KCNH1: variants seen among roughly 807,000 people sequenced by gnomAD.
The protein encoded by KCNH1 is voltage-gated delayed rectifier potassium channel KCNH1.
KCNH1 carries 27 observed loss-of-function variants against 69.2 expected under a neutral mutation model. The observed-to-expected ratio is 0.39, with a 90% CI of 0.29 to 0.54. The LOEUF is 0.54. KCNH1 is among the 20% of genes least tolerant of loss of function. The pLI, the probability that KCNH1 is intolerant of heterozygous loss-of-function variation, is 0.68. For synonymous variants in KCNH1, 456 were observed against 487.7 expected, an observed-to-expected ratio of 0.93 and a Z score of 0.86; for missense variants, 798 against 1,261.6, an observed-to-expected ratio of 0.63 and a Z score of 5.57.
chr1:210,790,138 T>C (rs1371829270), intron 9 of KCNH1, among the ~76,000 whole-genome samples: 1 of 152,206 alleles, frequency 6.6e-6, no homozygotes, highest in Admixed American at 6.5e-5. Flanking sequence ...AGAAAACTAT[T>C]CCTATGTTCT....
intron 7 of KCNH1, among the ~76,000 whole-genome samples, chr1:210,883,059 G>A (rs1219201310): frequency 2.6e-5 from 4 of 152,146 alleles, no homozygotes; most frequent in African/African-American, 7.2e-5. Context: ...AACAAATGAA[G>A]TCACCTGGTT....
At chr1:211,077,389 T>A (rs1399498930) in intron 5 of KCNH1, among the ~76,000 whole-genome samples, 1 of 152,120 alleles carries the variant, frequency 6.6e-6, no homozygotes, top group African/African-American at 2.4e-5. Context: ...GGGAAGCCCA[T>A]CAGACTAACA....
intron 7 of KCNH1, among the ~76,000 whole-genome samples, chr1:210,811,562 C>G (rs917895470): frequency 6.6e-6 from 1 of 152,154 alleles, no homozygotes; most frequent in African/African-American, 2.4e-5. Context: ...AAAGACTCCT[C>G]TTTGCTGTTG....
At chr1:210,856,327 A>G (rs1021439841) in intron 7 of KCNH1, among the ~76,000 whole-genome samples, 1 of 152,186 alleles carries the variant, frequency 6.6e-6, no homozygotes, top group African/African-American at 2.4e-5. Context: ...CAGCCCCTGG[A>G]AAAAACTTAA....
At chr1:211,010,871 G>C (rs1033276232) in intron 6 of KCNH1, among the ~76,000 whole-genome samples, 7 of 152,186 alleles carry the variant, frequency 4.6e-5, no homozygotes, top group African/African-American at 1.7e-4. Flanking sequence ...TAAAAGAGAA[G>C]TAGAACTTGG....
At chr1:210,852,978 T>G (rs2102469158) in intron 7 of KCNH1, among the ~76,000 whole-genome samples, 1 of 152,308 alleles carries the variant, frequency 6.6e-6, no homozygotes, top group South Asian at 2.1e-4. Flanking sequence ...ATTCTTTCCC[T>G]AGTTCCAACA....
chr1:210,806,836 A>ATAT (rs59113939), intron 7 of KCNH1, among the ~76,000 whole-genome samples: 1 of 85,652 alleles, frequency 1.2e-5, no homozygotes, highest in African/African-American at 5.1e-5. Flanking sequence ...AAAAAAAAAA[A>ATAT]ATATATATAT....
intron 6 of KCNH1, among the ~76,000 whole-genome samples, chr1:210,972,122 GT>G (rs1558547904): frequency 2.0e-5 from 3 of 151,886 alleles, no homozygotes; most frequent in Admixed American, 6.6e-5. Flanking sequence ...AAACAGAGGG[GT>G]TTTTTTCCCT....
intron 7 of KCNH1, among the ~76,000 whole-genome samples, chr1:210,862,662 G>C (rs1421286355): frequency 2.6e-5 from 4 of 152,180 alleles, no homozygotes; most frequent in African/African-American, 9.7e-5. Flanking sequence ...AGGCAGGATT[G>C]AAAAACAATT....
intron 5 of KCNH1, among the ~76,000 whole-genome samples, chr1:211,053,351 C>T (rs1049077092): frequency 3.0e-4 from 45 of 152,142 alleles, no homozygotes; most frequent in Admixed American, 2.9e-3. Context: ...AAATACAAAC[C>T]AGTGCAGCCA....
rs1434438911 is a variant in KCNH1 at position 210,679,366 on chromosome 1, G to A, written c.*3915C>T. On this transcript the variant is annotated 3_prime_UTR_variant, in exon 11 of 11. Transcript: ENST00000271751. Reference sequence around the variant, plus strand: ...ATCACAGCTGGAGTTCCATTCAAGGGTCTTAAGGCTAAACGTCTTTATTGC... The same window carrying A: ...ATCACAGCTGGAGTTCCATTCAAGGATCTTAAGGCTAAACGTCTTTATTGC... 1 of 152,176 alleles carries A rather than the reference G, an allele frequency of 6.6e-6. No individual in the cohort carries two copies. Among genetic ancestry groups the A allele is most frequent in the Non-Finnish European group, 1.5e-5 (1 of 68,040 alleles). 9.4% of individuals were successfully genotyped at this position (152,176 alleles called of 1,614,324 possible).
intron 3 of KCNH1, among the ~76,000 whole-genome samples, chr1:211,101,376 C>G (rs1035542196): frequency 2.0e-5 from 3 of 152,160 alleles, no homozygotes; most frequent in Non-Finnish European, 4.4e-5. Flanking sequence ...CAAATAAGTT[C>G]AAGTTTCTTA....
intron 5 of KCNH1, among the ~76,000 whole-genome samples, chr1:211,049,448 G>C (rs1690153088): frequency 6.6e-6 from 1 of 152,206 alleles, no homozygotes; most frequent in Admixed American, 6.5e-5. Flanking sequence ...TTACTTGACA[G>C]GAATGTGGTG....
At chr1:211,043,262 AACAGGAGATGTT>A (rs1027391754) in intron 5 of KCNH1, among the ~76,000 whole-genome samples, 18 of 152,312 alleles carry the variant, frequency 1.2e-4, no homozygotes, top group African/African-American at 4.3e-4. Context: ...TAAGAAACGA[AACAGGAGATGTT>A]ACAACTGACA....
At chr1:210,861,583 G>A in intron 7 of KCNH1, 1 of 771,938 alleles carries the variant, frequency 1.3e-6, no homozygotes, top group Non-Finnish European at 2.4e-6. Context: ...ATTCTGTCAG[G>A]TTCTGTTGGT....
chr1:211,029,049 G>C (rs1372998691), intron 5 of KCNH1, among the ~76,000 whole-genome samples: 1 of 151,516 alleles, frequency 6.6e-6, no homozygotes, highest in Non-Finnish European at 1.5e-5. Flanking sequence ...ATAAAAATGA[G>C]GCCAGGCATG....
chr1:210,968,669 T>G (rs1354239806), intron 6 of KCNH1, among the ~76,000 whole-genome samples: 4 of 152,088 alleles, frequency 2.6e-5, no homozygotes, highest in African/African-American at 9.7e-5. Flanking sequence ...ATGTCTTGTT[T>G]AGAGAAGTGT....
chr1:210,891,416 GC>G (rs1215624301), intron 7 of KCNH1, among the ~76,000 whole-genome samples: 1 of 152,038 alleles, frequency 6.6e-6, no homozygotes, highest in Non-Finnish European at 1.5e-5. Flanking sequence ...GGGAGGGATA[GC>G]ATTAGGAGAA....
In KCNH1 at chr1:210,709,619, C is replaced by T. The variant is rs1036898576; in HGVS notation, c.2113-25481G>A. ...CCCATAATTCTATTAGTTTAAAAACCATATGTAGATACAGGGAAGTAGAAA... is the reference window on the plus strand; with the variant it reads ...CCCATAATTCTATTAGTTTAAAAACTATATGTAGATACAGGGAAGTAGAAA... On this transcript the variant is annotated intron_variant, in intron 10 of 10. Transcript: ENST00000271751. Among the ~76,000 whole-genome samples the T allele has an allele frequency of 3.3e-5, 5 of 151,634 alleles. No homozygotes were observed. In the South Asian group the frequency reaches 1.0e-3, roughly 32 times the overall value.
Sources: allele counts gnomAD v4.1 joint callset (sites outside exome capture counted in the v4.1 genomes callset), GRCh38; gene constraint gnomAD v4.1.1; transcripts MANE v1.5; gene names NCBI Gene and HGNC (gene_info 2026-07-23, HGNC 2026-07-21).